Variants in ZNF827 observed in about 807,000 individuals in gnomAD.
ZNF827 encodes zinc finger protein 827.
A neutral mutation model predicts 102.4 loss-of-function variants in ZNF827; 13 were observed. That is an observed-to-expected ratio of 0.13 (90% confidence interval 0.08 to 0.20). The LOEUF (loss-of-function observed/expected upper bound fraction) is 0.20, where lower values mean the gene tolerates loss of function less well. Ranked by LOEUF, ZNF827 falls within the 10% of genes least tolerant of loss-of-function variation. ZNF827 has a pLI of 1.00. For synonymous variants in ZNF827, 523 were observed against 536.2 expected (o/e 0.98, Z 0.34); for missense variants, 1,103 against 1,344.4 (o/e 0.82, Z 2.81).
intron 1 of ZNF827, among the ~76,000 whole-genome samples, chr4:145,929,273 C>G (rs1224531832): frequency 6.6e-6 from 1 of 152,174 alleles, no homozygotes; most frequent in East Asian, 1.9e-4. Context: ...TAAACTATTA[C>G]CTATGTAACA....
chr4:145,825,594 T>C (rs1486007555), intron 7 of ZNF827, among the ~76,000 whole-genome samples: 1 of 152,024 alleles, frequency 6.6e-6, no homozygotes, highest in Non-Finnish European at 1.5e-5. Flanking sequence ...CACAGGTACA[T>C]TTGAGAATAA....
At chr4:145,849,741 G>A (rs1746339320) in intron 5 of ZNF827, among the ~76,000 whole-genome samples, 180 bp from the exon 6 acceptor site, 1 of 152,168 alleles carries the variant, frequency 6.6e-6, no homozygotes, top group Admixed American at 6.5e-5. Flanking sequence ...TACCAGAAAA[G>A]GTAGGAGACT....
In ZNF827 at chr4:145,829,355, T is replaced by C. The variant is rs536159247; in HGVS notation, c.2280-5830A>G. Reference sequence around the variant, plus strand: ...AATCATCCTAAAGTGACAGTCTGACTTCTATCTGCACAGAGACAAATTACC... The same window carrying C: ...AATCATCCTAAAGTGACAGTCTGACCTCTATCTGCACAGAGACAAATTACC... On this transcript the variant is annotated intron_variant, in intron 7 of 14. Coordinates refer to ENST00000508784, the MANE Select transcript of ZNF827 (RefSeq NM_001306215.2). 2.2e-4 allele frequency among the ~76,000 whole-genome samples: 34 copies of C among 152,316 alleles called. No homozygotes were observed. The South Asian group carries it at 2.5e-3, about 11-fold the overall frequency.
At chr4:145,860,624 A>T (rs1747618815) in intron 5 of ZNF827, among the ~76,000 whole-genome samples, 1 of 152,220 alleles carries the variant, frequency 6.6e-6, no homozygotes, top group African/African-American at 2.4e-5. Flanking sequence ...ACAGGAAACC[A>T]GGAAATGTGC....
chr4:145,785,322 G>A (rs998768084), intron 8 of ZNF827, among the ~76,000 whole-genome samples: 2 of 152,086 alleles, frequency 1.3e-5, no homozygotes, highest in African/African-American at 2.4e-5. Context: ...CATTTCATGC[G>A]TAGGTCCTGG....
intron 8 of ZNF827, among the ~76,000 whole-genome samples, chr4:145,788,643 A>C (rs1481328523): frequency 6.6e-6 from 1 of 152,186 alleles, no homozygotes; most frequent in Non-Finnish European, 1.5e-5. Flanking sequence ...ACCTAATTTT[A>C]TATTACAACA....
intron 7 of ZNF827, among the ~76,000 whole-genome samples, chr4:145,827,868 T>C (rs1438712396): frequency 1.3e-5 from 2 of 152,248 alleles, no homozygotes; most frequent in Non-Finnish European, 2.9e-5. Context: ...ATTTTCAGAA[T>C]GCTGAAATCA....
intron 1 of ZNF827, among the ~76,000 whole-genome samples, chr4:145,929,346 G>A (rs1753645165): frequency 1.3e-5 from 2 of 152,180 alleles, no homozygotes; most frequent in South Asian, 4.1e-4. Flanking sequence ...CTGTTGAACA[G>A]AAGAATAAAT....
chr4:145,863,469 A>T (rs1333233976), intron 5 of ZNF827, among the ~76,000 whole-genome samples: 1 of 152,278 alleles, frequency 6.6e-6, no homozygotes, highest in Non-Finnish European at 1.5e-5. Flanking sequence ...GTAGCAGAAG[A>T]TGGCAAACAT....
chr4:145,801,627 T>G (rs1305038641), intron 8 of ZNF827, among the ~76,000 whole-genome samples: 1 of 152,178 alleles, frequency 6.6e-6, no homozygotes, highest in African/African-American at 2.4e-5. Flanking sequence ...TTCAAATCAC[T>G]ACACTCATCC....
intron 8 of ZNF827, among the ~76,000 whole-genome samples, chr4:145,787,671 C>A (rs1739086041): frequency 6.6e-6 from 1 of 151,992 alleles, no homozygotes; most frequent in Non-Finnish European, 1.5e-5. Context: ...GAATATGAAA[C>A]CTGTCAAGCA....
chr4:145,924,954 C>G (rs908825582), intron 1 of ZNF827, among the ~76,000 whole-genome samples: 1 of 152,100 alleles, frequency 6.6e-6, no homozygotes, highest in South Asian at 2.1e-4. Context: ...AAGACATACC[C>G]GAGACTGGGT....
chr4:145,866,377 C>T (rs1019949242), intron 5 of ZNF827, among the ~76,000 whole-genome samples: 1 of 152,196 alleles, frequency 6.6e-6, no homozygotes, highest in Admixed American at 6.5e-5. Flanking sequence ...GCTGAAGCTC[C>T]ATCTCATTTA....
intron 4 of ZNF827, among the ~76,000 whole-genome samples, chr4:145,884,079 G>A (rs2126814457): frequency 6.6e-6 from 1 of 152,312 alleles, no homozygotes; most frequent in South Asian, 2.1e-4. Flanking sequence ...GAGGAGCAGA[G>A]AAGCCAGTGT....
chr4:145,892,573 T>C (rs1013480806), intron 2 of ZNF827, among the ~76,000 whole-genome samples, 158 bp from the exon 3 acceptor site: 19 of 152,264 alleles, frequency 1.2e-4, no homozygotes, highest in African/African-American at 4.6e-4. Context: ...GTTTTAGTAC[T>C]GCTTTTCTTC....
At chr4:145,784,543 T>C (rs1738569206) in intron 8 of ZNF827, among the ~76,000 whole-genome samples, 1 of 152,194 alleles carries the variant, frequency 6.6e-6, no homozygotes, top group Admixed American at 6.5e-5. Context: ...CACATTTCCA[T>C]CTTAATTATC....
intron 5 of ZNF827, among the ~76,000 whole-genome samples, chr4:145,859,472 G>A (rs1419025436): frequency 1.3e-5 from 2 of 152,142 alleles, no homozygotes; most frequent in Non-Finnish European, 2.9e-5. Context: ...TCCCATGCCT[G>A]TGGGAGTCGT....
In ZNF827 at chr4:145,902,537, G is replaced by C; in HGVS notation, c.722C>G (p.Ser241Cys). 6.2e-7 allele frequency: 1 copy of C among 1,614,110 alleles called. No homozygotes were observed. Among genetic ancestry groups the C allele is most frequent in the Non-Finnish European group, 8.5e-7 (1 of 1,180,014 alleles). ...TEETMRFESF[S>C]SPFSSQSASS... ...GGCAGACTGGGAGCTAAAAGGGGAG[G>C]AAAAGGACTCAAATCGCATGGTCTC... The change falls in exon 2 of 15, where the codon TCC (serine) becomes TGC (cysteine). Residue 241 changes from serine (S) to cysteine (C), a missense_variant. Transcript: ENST00000508784. The surrounding 1 kb of genome is among the most constrained non-coding windows in gnomAD (Gnocchi z 4.3).
rs372229936 is a variant in ZNF827, at chr4:145,765,557, C to T, written c.3042G>A (p.Lys1014=). The change falls in exon 12 of 15, where the codon AAG becomes AAA. Residue 1014 remains lysine, a synonymous_variant. Coordinates refer to ENST00000508784, the MANE Select transcript of ZNF827 (RefSeq NM_001306215.2). The surrounding 1 kb of genome is among the most constrained non-coding windows in gnomAD (Gnocchi z 4.7). ...GSQPSLNSEE[K]PEKGFECVFC... Reference sequence around the variant, plus strand: ...CCACCTCCTCCTTACCTTTCTCTGGCTTTTCCTCACTGTTCAGTGAGGGCT... The same window carrying T: ...CCACCTCCTCCTTACCTTTCTCTGGTTTTTCCTCACTGTTCAGTGAGGGCT... 6.2e-7 allele frequency: 1 copy of T among 1,612,110 alleles called. No homozygotes were observed. Among genetic ancestry groups the T allele is most frequent in the African/African-American group, 1.3e-5 (1 of 74,874 alleles).
Sources: gnomAD v4.1 joint callset for allele counts (sites outside exome capture counted in the v4.1 genomes callset) on GRCh38, gnomAD v4.1.1 for gene constraint, Gnocchi (gnomAD v3.1) non-coding constraint, MANE v1.5 for transcripts, NCBI Gene and HGNC (gene_info 2026-07-23, HGNC 2026-07-21) for gene names.